Variants in KREMEN1 observed in about 807,000 individuals in gnomAD.
KREMEN1 encodes kringle containing transmembrane protein 1, also known as kremen protein 1.
In KREMEN1, 30 loss-of-function variants were observed where a neutral mutation model predicts 46.5. The observed-to-expected ratio is 0.65, with a 90% CI of 0.48 to 0.88. The LOEUF (loss-of-function observed/expected upper bound fraction) is 0.88. KREMEN1 is among the 40% of genes least tolerant of loss of function. The probability of loss-of-function intolerance (pLI) is 0.00; values close to 1 mark genes in which losing one functional copy is unlikely to be tolerated. For synonymous variants in KREMEN1, 214 were observed against 230.6 expected (o/e 0.93, Z 0.65); for missense variants, 533 against 596.9 (o/e 0.89, Z 1.11).
At chr22:29,166,522 T>C (rs773313186) in intron 9 of KREMEN1, among the ~76,000 whole-genome samples, 3 of 152,202 alleles carry the variant, frequency 2.0e-5, no homozygotes, top group Non-Finnish European at 4.4e-5. Context: ...AATTAAGGAA[T>C]TGATCATCCA....
Position 29,145,545 on chromosome 22 carries a change from T to C in KREMEN1, c.*3433T>C, listed in dbSNP as rs73882480. 4.4e-3 allele frequency: 4,307 copies of C among 985,508 alleles called. 116 individuals are homozygous for C. In the African/African-American group the frequency reaches 0.065, roughly 15 times the overall value. 61.0% of individuals were successfully genotyped at this position (985,508 alleles called of 1,614,324 possible). On this transcript the variant is annotated 3_prime_UTR_variant, in exon 9 of 9. Coordinates refer to ENST00000400335, the MANE Select transcript of KREMEN1 (RefSeq NM_001039570.3). ...CTTGTCACTCTCCGTGGTGACAGTG[T>C]CTTGGCCAGCTGTGGCCCCTAGTTT... is the stretch of plus-strand genomic sequence containing the variant.
chr22:29,119,583 C>T (rs879666875), intron 3 of KREMEN1, among the ~76,000 whole-genome samples: 12 of 152,130 alleles, frequency 7.9e-5, no homozygotes, highest in South Asian at 4.1e-4. Context: ...AGAAAATTCC[C>T]GGAGAGTTGC....
intron 3 of KREMEN1, among the ~76,000 whole-genome samples, chr22:29,117,819 T>A (rs539718429): frequency 1.3e-5 from 2 of 152,216 alleles, no homozygotes; most frequent in Non-Finnish European, 2.9e-5. Context: ...CCATGACCCA[T>A]GATGAATTAA....
At chr22:29,140,153 T>C in intron 7 of KREMEN1, 129 bp from the exon 8 acceptor site, 1 of 702,990 alleles carries the variant, frequency 1.4e-6, no homozygotes, top group South Asian at 1.7e-5. Flanking sequence ...CTAGGTTTGC[T>C]AGCTGCCCTC....
At chr22:29,090,795 C>T (rs772896598) in intron 1 of KREMEN1, among the ~76,000 whole-genome samples, 1 of 152,136 alleles carries the variant, frequency 6.6e-6, no homozygotes, top group Non-Finnish European at 1.5e-5. Flanking sequence ...TTGATATGTA[C>T]TGGGCAAGTC....
At chr22:29,078,807 T>C (rs1046609992) in intron 1 of KREMEN1, among the ~76,000 whole-genome samples, 4 of 152,224 alleles carry the variant, frequency 2.6e-5, no homozygotes, top group African/African-American at 9.6e-5. Context: ...AATGTGTCCC[T>C]TAGAAAACTA....
In KREMEN1 at chr22:29,142,058, G is replaced by A; in HGVS notation, c.1323G>A (p.Lys441=). The change falls in exon 9 of 9, where the codon AAG becomes AAA. Residue 441 remains lysine (K), a synonymous_variant. Coordinates refer to ENST00000400335, the MANE Select transcript of KREMEN1 (RefSeq NM_001039570.3). The part of the protein sequence containing the change: ...KPSTSISIFK[K]KLKGQSQQDD... ...CCACTTCAATTTCCATCTTTAAGAAGAAACTCAAGGGTCAGAGTCAACAAG... is the reference window on the plus strand; with the variant it reads ...CCACTTCAATTTCCATCTTTAAGAAAAAACTCAAGGGTCAGAGTCAACAAG... 1 of 1,612,894 alleles carries A rather than the reference G, an allele frequency of 6.2e-7. No individual in the cohort carries two copies.
chr22:29,158,524 G>C (rs545909873), intron 9 of KREMEN1, among the ~76,000 whole-genome samples: 1 of 152,318 alleles, frequency 6.6e-6, no homozygotes, highest in Admixed American at 6.5e-5. Flanking sequence ...TGGATGTGCA[G>C]CCTCCACAGT....
At chr22:29,121,215 A>G in intron 3 of KREMEN1, 142 bp from the exon 4 acceptor site, 1 of 921,976 alleles carries the variant, frequency 1.1e-6, no homozygotes, top group Non-Finnish European at 1.6e-6. Flanking sequence ...TTCCATTTTC[A>G]AAGCTGGTTG....
In KREMEN1 at chr22:29,138,740, G is replaced by A; in HGVS notation, c.1081G>A (p.Val361Ile). The change falls in exon 7 of 9, where the codon GTC becomes ATC. Residue 361 changes from valine (V) to isoleucine (I), a missense_variant. Val to Ile is a conservative substitution (Grantham distance 29). Transcript: ENST00000400335. ...TGCCCGGTCCTCCAAAGTCCTCTATGTCATCACCACCAGCCCCAGCCACCC... is the reference window on the plus strand; with the variant it reads ...TGCCCGGTCCTCCAAAGTCCTCTATATCATCACCACCAGCCCCAGCCACCC... ...SAARSSKVLY[V>I]ITTSPSHPPQ... The A allele has an allele frequency of 1.2e-6, 2 of 1,614,210 alleles. No individual in the cohort carries two copies. Among genetic ancestry groups the A allele is most frequent in the East Asian group, 2.2e-5 (1 of 44,888 alleles).
At chr22:29,150,915 G>A (rs915173867), downstream of KREMEN1, among the ~76,000 whole-genome samples, 5 of 152,152 alleles carry the variant, frequency 3.3e-5, no homozygotes, top group South Asian at 4.1e-4. Context: ...GCCAAGGTTC[G>A]GACTCAGCCT....
At chr22:29,105,218 G>A (rs1478181877) in intron 3 of KREMEN1, among the ~76,000 whole-genome samples, 2 of 152,154 alleles carry the variant, frequency 1.3e-5, no homozygotes, top group South Asian at 2.1e-4. Flanking sequence ...GTGGGGTCTT[G>A]TTTAGGGCTT....
intron 3 of KREMEN1, among the ~76,000 whole-genome samples, chr22:29,104,107 C>T (rs1267283907): frequency 6.6e-6 from 1 of 150,982 alleles, no homozygotes; most frequent in African/African-American, 2.4e-5. Flanking sequence ...ATAAACACAG[C>T]ATTCTGAGTA....
At position 29,146,507 on chromosome 22, in the gene KREMEN1, C is replaced by T. The variant is rs1402864454; in HGVS notation, c.*4395C>T. ...GACTGGAGGCCCTTCCCCGCCCGCA[C>T]GGGAGCTGCCATCGTGGGTCTCATG... On this transcript the variant is annotated 3_prime_UTR_variant, in exon 9 of 9. Coordinates refer to ENST00000400335, the MANE Select transcript of KREMEN1 (RefSeq NM_001039570.3). 8.1e-6 allele frequency: 8 copies of T among 985,472 alleles called. No homozygotes were observed. In the East Asian group the frequency reaches 4.5e-4, roughly 56 times the overall value. The allele number at this position is 985,472 out of a possible 1,614,324, so 61.0% of individuals were successfully genotyped here.
At chr22:29,084,971 G>T (rs1349552941) in intron 1 of KREMEN1, among the ~76,000 whole-genome samples, 2 of 152,166 alleles carry the variant, frequency 1.3e-5, no homozygotes. Flanking sequence ...AAAGCTACTA[G>T]TACATAAAAC....
intron 9 of KREMEN1, among the ~76,000 whole-genome samples, chr22:29,152,370 G>C (rs1056555768): frequency 6.6e-6 from 1 of 152,172 alleles, no homozygotes; most frequent in African/African-American, 2.4e-5. Flanking sequence ...TAACCAATTT[G>C]CCACCCTCAG....
chr22:29,166,510 C>A (rs1005477898), intron 9 of KREMEN1, among the ~76,000 whole-genome samples: 1 of 152,168 alleles, frequency 6.6e-6, no homozygotes, highest in African/African-American at 2.4e-5. Flanking sequence ...TACAAAAGCC[C>A]AAATTAAGGA....
chr22:29,158,034 A>G (rs904281493), intron 9 of KREMEN1, among the ~76,000 whole-genome samples: 1 of 152,200 alleles, frequency 6.6e-6, no homozygotes, highest in African/African-American at 2.4e-5. Context: ...GTTGTGTACA[A>G]TGAAATTAGC....
chr22:29,131,640 G>A (rs6006007), intron 5 of KREMEN1, among the ~76,000 whole-genome samples: 2 of 120,838 alleles, frequency 1.7e-5, no homozygotes, highest in African/African-American at 3.7e-5. Flanking sequence ...GTATATATAT[G>A]TGTGTATATA....
Sources: gnomAD v4.1 joint callset for allele counts (sites outside exome capture counted in the v4.1 genomes callset) on GRCh38, gnomAD v4.1.1 for gene constraint, MANE v1.5 for transcripts, NCBI Gene and HGNC (gene_info 2026-07-23, HGNC 2026-07-21) for gene names.